POU6F2: variants seen among roughly 807,000 people sequenced by gnomAD.
POU6F2 encodes POU domain, class 6, transcription factor 2.
A neutral mutation model predicts 71.3 loss-of-function variants in POU6F2; 31 were observed. The observed-to-expected ratio is 0.43, with a 90% CI of 0.33 to 0.59. POU6F2 has a LOEUF of 0.59. POU6F2 is among the 20% of genes least tolerant of loss of function. POU6F2 has a pLI of 0.04. For synonymous variants in POU6F2, 347 were observed against 355.7 expected, an observed-to-expected ratio of 0.98 and a Z score of 0.27; for missense variants, 783 against 856.8, an observed-to-expected ratio of 0.91 and a Z score of 1.07.
At chr7:39,041,177 A>G (rs967574582) in intron 1 of POU6F2, among the ~76,000 whole-genome samples, 3 of 151,978 alleles carry the variant, frequency 2.0e-5, no homozygotes, top group Non-Finnish European at 4.4e-5. Context: ...AAGTCAGTAC[A>G]TATAGCTTTA....
At chr7:39,012,753 C>T (rs1445209436) in intron 1 of POU6F2, among the ~76,000 whole-genome samples, 2 of 150,720 alleles carry the variant, frequency 1.3e-5, no homozygotes, top group African/African-American at 4.8e-5. Context: ...AGACAGGACC[C>T]TCAGCTGCAG....
At position 39,273,948 on chromosome 7, in the gene POU6F2, A is replaced by G. The variant is rs186031767; in HGVS notation, c.599-65694A>G. ...TAAAGAGTAAAAACAAAAATATTGA[A>G]AAAATATTTATAATAACTGCATGAC... On this transcript the variant is annotated intron_variant, in intron 4 of 9. Transcript: ENST00000518318. Among the ~76,000 whole-genome samples, 1,406 of 152,256 alleles carry G rather than the reference A, an allele frequency of 9.2e-3. 63 individuals carry two copies. The highest frequency in any genetic ancestry group is 0.082 in the Admixed American group (1,246 of 15,286).
chr7:39,195,057 G>A (rs868793696), intron 2 of POU6F2, among the ~76,000 whole-genome samples: 5 of 152,122 alleles, frequency 3.3e-5, no homozygotes, highest in African/African-American at 9.7e-5. Context: ...AGAACCCAGC[G>A]GAAGGAACCA....
At chr7:39,238,333 C>G (rs1794712338) in intron 4 of POU6F2, among the ~76,000 whole-genome samples, 2 of 152,094 alleles carry the variant, frequency 1.3e-5, no homozygotes, top group African/African-American at 4.8e-5. Flanking sequence ...TGTTTCCTCT[C>G]CCTCCTTAGA....
At chr7:39,252,804 G>C (rs1028160440) in intron 4 of POU6F2, among the ~76,000 whole-genome samples, 3 of 152,092 alleles carry the variant, frequency 2.0e-5, no homozygotes, top group African/African-American at 7.2e-5. Context: ...AGAACTCCTT[G>C]AACCACTATG....
chr7:39,366,850 G>C (rs1283609685), intron 5 of POU6F2, among the ~76,000 whole-genome samples: 3 of 152,108 alleles, frequency 2.0e-5, no homozygotes, highest in Admixed American at 2.0e-4. Flanking sequence ...AAGATGTGCG[G>C]ATGGAGCTGG....
intron 5 of POU6F2, among the ~76,000 whole-genome samples, chr7:39,354,010 A>C (rs1397542010): frequency 6.6e-6 from 1 of 151,972 alleles, no homozygotes; most frequent in African/African-American, 2.4e-5. Flanking sequence ...CTTTACGCTG[A>C]TCCGTAACAC....
At chr7:38,988,893 A>C (rs1221819875) in intron 1 of POU6F2, among the ~76,000 whole-genome samples, 2 of 152,128 alleles carry the variant, frequency 1.3e-5, no homozygotes, top group African/African-American at 4.8e-5. Context: ...TCTTTATGAA[A>C]GCTGATTTCA....
intron 2 of POU6F2, among the ~76,000 whole-genome samples, chr7:39,189,614 A>G (rs1793619025): frequency 6.6e-6 from 1 of 152,060 alleles, no homozygotes; most frequent in Non-Finnish European, 1.5e-5. Context: ...TGTGGCCAGG[A>G]TGGTCTTGAT....
intron 4 of POU6F2, among the ~76,000 whole-genome samples, chr7:39,251,604 C>T (rs1412812771): frequency 6.6e-6 from 1 of 152,156 alleles, no homozygotes; most frequent in African/African-American, 2.4e-5. Flanking sequence ...AAGATGCATG[C>T]GTGTTTAATG....
At chr7:39,293,788 C>T (rs1275532528) in intron 4 of POU6F2, among the ~76,000 whole-genome samples, 1 of 152,126 alleles carries the variant, frequency 6.6e-6, no homozygotes, top group Admixed American at 6.5e-5. Flanking sequence ...TTTTAAAGTC[C>T]AACTCTTTCT....
At chr7:39,333,489 A>G (rs1414654641) in intron 4 of POU6F2, among the ~76,000 whole-genome samples, 3 of 152,182 alleles carry the variant, frequency 2.0e-5, no homozygotes, top group Non-Finnish European at 4.4e-5. Flanking sequence ...CTATAATCCC[A>G]GCACTTTGGG....
At chr7:39,443,811 A>G (rs1032637518) in intron 7 of POU6F2, among the ~76,000 whole-genome samples, 4 of 152,248 alleles carry the variant, frequency 2.6e-5, no homozygotes, top group African/African-American at 9.6e-5. Context: ...CCACTAAAAA[A>G]TAAAGGATTT....
At chr7:39,225,817 T>C (rs1794450039) in intron 4 of POU6F2, among the ~76,000 whole-genome samples, 1 of 152,204 alleles carries the variant, frequency 6.6e-6, no homozygotes, top group Non-Finnish European at 1.5e-5. Flanking sequence ...AGGTATAAAA[T>C]GTTGCCATAT....
chr7:39,179,833 C>A (rs1793404231), intron 2 of POU6F2, among the ~76,000 whole-genome samples: 2 of 152,204 alleles, frequency 1.3e-5, no homozygotes. Flanking sequence ...CCCTGACTAG[C>A]TGCACGTTAT....
chr7:39,020,778 AT>A (rs11295540), intron 1 of POU6F2, among the ~76,000 whole-genome samples: 68,747 of 148,498 alleles, frequency 0.46, 15,827 homozygotes, highest in Middle Eastern at 0.54. Context: ...TCTAGGTTAG[AT>A]TTTTTTTTTT....
At chr7:39,172,501 C>T (rs1486187218) in intron 2 of POU6F2, among the ~76,000 whole-genome samples, 1 of 152,070 alleles carries the variant, frequency 6.6e-6, no homozygotes, top group Non-Finnish European at 1.5e-5. Context: ...ACATCTGTAA[C>T]CCAGGAATTG....
intron 1 of POU6F2, among the ~76,000 whole-genome samples, chr7:38,988,003 G>T (rs1016967073): frequency 2.0e-5 from 3 of 152,076 alleles, no homozygotes; most frequent in Non-Finnish European, 4.4e-5. Context: ...TCTTTGCCTG[G>T]AGCTTAAAAC....
chr7:39,300,308 T>TC (rs1784929196), intron 4 of POU6F2, among the ~76,000 whole-genome samples: 1 of 152,144 alleles, frequency 6.6e-6, no homozygotes, highest in Non-Finnish European at 1.5e-5. Context: ...ATGCAGATAA[T>TC]CAAGGATGTA....
Sources: gnomAD v4.1 joint callset for allele counts (sites outside exome capture counted in the v4.1 genomes callset) on GRCh38, gnomAD v4.1.1 for gene constraint, MANE v1.5 for transcripts, NCBI Gene and HGNC (gene_info 2026-07-23, HGNC 2026-07-21) for gene names.